Variants in FILIP1L observed in about 807,000 individuals in gnomAD.
FILIP1L encodes the protein filamin A-interacting protein 1-like.
A neutral mutation model predicts 96.6 loss-of-function variants in FILIP1L; 55 were observed. The ratio of observed to expected loss-of-function variants is 0.57; its 90% confidence interval spans 0.46 to 0.71. The LOEUF (loss-of-function observed/expected upper bound fraction) is 0.71, where lower values mean the gene tolerates loss of function less well. Ranked by LOEUF, FILIP1L falls within the 30% of genes least tolerant of loss-of-function variation. The pLI, the probability that FILIP1L is intolerant of heterozygous loss-of-function variation, is 0.00. For missense variants in FILIP1L, 1,304 were observed against 1,321.2 expected (o/e 0.99, Z 0.20); for synonymous variants, 467 against 473.9 (o/e 0.99, Z 0.19).
chr3:100,043,507 T>C (rs1432675150), intron 1 of FILIP1L, among the ~76,000 whole-genome samples: 2 of 152,186 alleles, frequency 1.3e-5, no homozygotes, highest in Non-Finnish European at 2.9e-5. Context: ...TTATTATGTC[T>C]CATTTGCTGT....
chr3:100,055,069 T>C (rs1014691961), intron 1 of FILIP1L, among the ~76,000 whole-genome samples: 3 of 152,144 alleles, frequency 2.0e-5, no homozygotes, highest in Non-Finnish European at 4.4e-5. Context: ...CAGGTCACAG[T>C]TGTCTTTCTG....
At chr3:99,902,629 A>G (rs1276998564) in intron 4 of FILIP1L, among the ~76,000 whole-genome samples, 2 of 152,240 alleles carry the variant, frequency 1.3e-5, no homozygotes, top group African/African-American at 4.8e-5. Flanking sequence ...TTACCAGTAG[A>G]CACTGGACAA....
At chr3:99,973,882 C>T (rs1462286460) in intron 1 of FILIP1L, among the ~76,000 whole-genome samples, 1 of 152,042 alleles carries the variant, frequency 6.6e-6, no homozygotes, top group African/African-American at 2.4e-5. Flanking sequence ...TTTAGGTGTT[C>T]TTGATAGACA....
rs201828035 is a variant in FILIP1L, at chr3:99,924,331, A to G, written c.504T>C (p.Arg168=). 4.9e-4 allele frequency: 784 copies of G among 1,614,068 alleles called. 1 individual carries two copies. Among genetic ancestry groups the G allele is most frequent in the Non-Finnish European group, 6.2e-4 (728 of 1,179,968 alleles). Residue 168 remains arginine, a synonymous_variant, in exon 4 of 6, where the codon CGT becomes CGC. Coordinates refer to ENST00000477258, the MANE Select transcript of FILIP1L (RefSeq NM_001387850.1). Reference sequence around the variant, plus strand: ...CCTCCAACTCCAATATGGTTTGCCTACGGGATTTTTCTGCCACTAAAAGCT... The same window carrying G: ...CCTCCAACTCCAATATGGTTTGCCTGCGGGATTTTTCTGCCACTAAAAGCT... The part of the protein sequence containing the change: ...LGQLLVAEKS[R]RQTILELEEE...
At chr3:100,109,974 A>G (rs1350704716) in intron 1 of FILIP1L, 1 of 135,970 alleles carries the variant, frequency 7.4e-6, no homozygotes, top group Admixed American at 8.4e-5. Flanking sequence ...CCACCCTTCA[A>G]ACTGTTGGCA....
intron 4 of FILIP1L, among the ~76,000 whole-genome samples, chr3:99,890,842 T>C (rs2107614230): frequency 6.6e-6 from 1 of 152,236 alleles, no homozygotes; most frequent in East Asian, 1.9e-4. Flanking sequence ...TCAATAATTG[T>C]ATATTATTTT....
chr3:99,991,117 C>T (rs569155035), intron 1 of FILIP1L, among the ~76,000 whole-genome samples: 1 of 152,258 alleles, frequency 6.6e-6, no homozygotes, highest in East Asian at 1.9e-4. Context: ...TTCCCATCTC[C>T]CCCCATAATG....
chr3:100,109,754 A>G (rs1375193508), intron 1 of FILIP1L, among the ~76,000 whole-genome samples: 1 of 152,140 alleles, frequency 6.6e-6, no homozygotes, highest in African/African-American at 2.4e-5. Flanking sequence ...GCAATTATGA[A>G]TGAAGCCACT....
intron 1 of FILIP1L, among the ~76,000 whole-genome samples, chr3:100,034,605 T>C (rs986003904): frequency 9.2e-5 from 14 of 152,214 alleles, no homozygotes; most frequent in African/African-American, 3.1e-4. Context: ...TGCTTCCTTA[T>C]CAGTAAAACT....
chr3:99,992,002 A>ATGTGTG (rs1201211092), intron 1 of FILIP1L, among the ~76,000 whole-genome samples: 7 of 149,646 alleles, frequency 4.7e-5, no homozygotes, highest in African/African-American at 1.5e-4. Context: ...ACGTATATAT[A>ATGTGTG]TGTGTGTGTG....
chr3:100,089,702 A>G (rs993978113), intron 1 of FILIP1L, among the ~76,000 whole-genome samples: 1 of 152,256 alleles, frequency 6.6e-6, no homozygotes, highest in African/African-American at 2.4e-5. Context: ...TACAAATTTC[A>G]TAGGCATTTG....
intron 1 of FILIP1L, among the ~76,000 whole-genome samples, chr3:99,964,700 G>A (rs919898123): frequency 6.6e-6 from 1 of 152,084 alleles, no homozygotes; most frequent in Non-Finnish European, 1.5e-5. Context: ...GGGAATATTT[G>A]TCTAGAACAG....
intron 4 of FILIP1L, among the ~76,000 whole-genome samples, chr3:99,859,658 T>G (rs1413175057): frequency 6.6e-6 from 1 of 152,240 alleles, no homozygotes; most frequent in Non-Finnish European, 1.5e-5. Flanking sequence ...AATACATAAT[T>G]TTAACTGTGT....
At chr3:100,060,794 A>G (rs2065550185) in intron 1 of FILIP1L, among the ~76,000 whole-genome samples, 1 of 152,158 alleles carries the variant, frequency 6.6e-6, no homozygotes, top group Admixed American at 6.5e-5. Flanking sequence ...TGGGAGGCGG[A>G]GGTTGCACTA....
intron 1 of FILIP1L, among the ~76,000 whole-genome samples, chr3:100,039,102 G>T (rs1470708786): frequency 2.0e-5 from 3 of 152,132 alleles, no homozygotes; most frequent in Non-Finnish European, 4.4e-5. Context: ...AGGAAATTAT[G>T]CTTTCACCAG....
intron 1 of FILIP1L, among the ~76,000 whole-genome samples, chr3:100,106,995 T>G (rs2066407054): frequency 6.6e-6 from 1 of 152,324 alleles, no homozygotes; most frequent in African/African-American, 2.4e-5. Flanking sequence ...CCAATGTGTG[T>G]CTGACCTAAC....
At chr3:100,098,935 AT>A (rs2066258852) in intron 1 of FILIP1L, among the ~76,000 whole-genome samples, 1 of 152,216 alleles carries the variant, frequency 6.6e-6, no homozygotes, top group South Asian at 2.1e-4. Flanking sequence ...ATTATAAATA[AT>A]GCCAGTTAAG....
chr3:100,060,080 T>C (rs1559743371), intron 1 of FILIP1L, among the ~76,000 whole-genome samples: 1 of 152,034 alleles, frequency 6.6e-6, no homozygotes, highest in Non-Finnish European at 1.5e-5. Context: ...TCCAGGTACA[T>C]GTGCCCTCAG....
intron 1 of FILIP1L, among the ~76,000 whole-genome samples, chr3:100,070,492 C>T (rs2065742894): frequency 6.6e-6 from 1 of 152,132 alleles, no homozygotes; most frequent in Non-Finnish European, 1.5e-5. Flanking sequence ...AACTTAAATA[C>T]ATTTTAAGGT....
Sources: gnomAD v4.1 joint callset for allele counts (sites outside exome capture counted in the v4.1 genomes callset) on GRCh38, gnomAD v4.1.1 for gene constraint, MANE v1.5 for transcripts, NCBI Gene and HGNC (gene_info 2026-07-23, HGNC 2026-07-21) for gene names.